ODAD2: variants seen among roughly 807,000 people sequenced by gnomAD.
The protein encoded by ODAD2 is outer dynein arm-docking complex subunit 2.
A neutral mutation model predicts 106.8 loss-of-function variants in ODAD2; 89 were observed. The ratio of observed to expected loss-of-function variants is 0.83; its 90% confidence interval spans 0.70 to 0.99. The LOEUF is 0.99. ODAD2 is among the 50% of genes least tolerant of loss of function. ODAD2 has a pLI of 0.00. For synonymous variants in ODAD2, 404 were observed against 436.2 expected (o/e 0.93, Z 0.92); for missense variants, 1,168 against 1,238.5 (o/e 0.94, Z 0.85).
chr10:27,842,435 A>C (rs753002528), intron 19 of ODAD2, among the ~76,000 whole-genome samples: 2 of 152,226 alleles, frequency 1.3e-5, no homozygotes, highest in Non-Finnish European at 2.9e-5. Flanking sequence ...AAACTTTTCA[A>C]GAGATTGTGC....
intron 15 of ODAD2, 64 bp from the exon 16 acceptor site, chr10:27,935,316 T>C: frequency 6.3e-7 from 1 of 1,580,672 alleles, no homozygotes; most frequent in Non-Finnish European, 8.7e-7. Flanking sequence ...AATTACTAAA[T>C]GTTCATTCAA....
chr10:27,876,269 GAGTAGCCTAACTGGGAGGCACCCCCC>G (rs1212590584), intron 17 of ODAD2, among the ~76,000 whole-genome samples: 3 of 152,128 alleles, frequency 2.0e-5, no homozygotes, highest in Admixed American at 6.5e-5. Flanking sequence ...CCTGACTCCC[GAGTAGCCTAACTGGGAGGCACCCCCC>G]AGTAGGGGCA....
intron 19 of ODAD2, among the ~76,000 whole-genome samples, chr10:27,845,134 GAAGGAAA>G (rs5784030): frequency 0.59 from 90,020 of 151,538 alleles, 27,070 homozygotes; most frequent in Middle Eastern, 0.7. Context: ...AAGTTGAAAT[GAAGGAAA>G]AAGGAAAAAA....
At chr10:27,920,193 C>A (rs1590020968) in intron 16 of ODAD2, among the ~76,000 whole-genome samples, 1 of 152,060 alleles carries the variant, frequency 6.6e-6, no homozygotes, top group Non-Finnish European at 1.5e-5. Flanking sequence ...TATTCTATTT[C>A]TTGACTTGGA....
At chr10:27,856,885 C>T (rs1490413689) in intron 19 of ODAD2, among the ~76,000 whole-genome samples, 7 of 151,946 alleles carry the variant, frequency 4.6e-5, no homozygotes, top group Non-Finnish European at 1.5e-5. Flanking sequence ...GAGAATCGCT[C>T]GAACCCAGGA....
At chr10:27,908,927 TA>T (rs1159787695) in intron 16 of ODAD2, among the ~76,000 whole-genome samples, 4 of 152,134 alleles carry the variant, frequency 2.6e-5, no homozygotes, top group Non-Finnish European at 4.4e-5. Context: ...AAAATACACG[TA>T]AAAATTATTT....
Position 27,812,370 on chromosome 10 carries a change from G to A in ODAD2, c.*142C>T. 2 of 703,628 alleles carry A rather than the reference G, an allele frequency of 2.8e-6. No individual in the cohort carries two copies. The highest frequency in any genetic ancestry group is 4.6e-6 in the Non-Finnish European group (2 of 436,544). The allele number at this position is 703,628 out of a possible 1,614,324, so 43.6% of individuals were successfully genotyped here. On this transcript the variant is annotated 3_prime_UTR_variant, in exon 20 of 20. Coordinates refer to ENST00000305242, the MANE Select transcript of ODAD2 (RefSeq NM_018076.5). ...GCAATTTTCAGATGAAAAACATTCT[G>A]TGCATTTTCAATTTGTGTGTTTTCA...
chr10:27,932,194 C>T (rs1845662959), intron 16 of ODAD2, among the ~76,000 whole-genome samples: 2 of 152,092 alleles, frequency 1.3e-5, no homozygotes, highest in African/African-American at 4.8e-5. Flanking sequence ...CCTCTGCCTC[C>T]CAAAGTACTG....
At chr10:27,872,707 CA>C (rs201007763) in intron 17 of ODAD2, among the ~76,000 whole-genome samples, 4,147 of 152,196 alleles carry the variant, frequency 0.027, 68 homozygotes, top group Non-Finnish European at 0.043. Flanking sequence ...GGATGAAGCC[CA>C]CTTGATCATA....
chr10:27,818,373 G>C (rs1235872444), intron 19 of ODAD2, among the ~76,000 whole-genome samples: 1 of 151,950 alleles, frequency 6.6e-6, no homozygotes, highest in African/African-American at 2.4e-5. Flanking sequence ...CTCCCAAGTA[G>C]ATGATTCATA....
intron 7 of ODAD2, among the ~76,000 whole-genome samples, chr10:27,973,982 G>A (rs1849026463): frequency 6.6e-6 from 1 of 152,144 alleles, no homozygotes; most frequent in South Asian, 2.1e-4. Context: ...ATTCTGACTG[G>A]TGTAAGATGA....
chr10:27,943,795 CAAAAAAAAAAAAAAAAAAA>C (rs56059926), intron 12 of ODAD2, among the ~76,000 whole-genome samples: 2 of 58,624 alleles, frequency 3.4e-5, no homozygotes, highest in East Asian at 5.9e-4. Context: ...GGCTCTGTCT[CAAAAAAAAAAAAAAAAAAA>C]AAAAAAAAAA....
rs1847512557 is a variant in ODAD2 at position 27,953,520 on chromosome 10, A to G, written c.1386+8048T>C. On this transcript the variant is annotated intron_variant, in intron 10 of 19. Coordinates refer to ENST00000305242, the MANE Select transcript of ODAD2 (RefSeq NM_018076.5). The stretch of plus-strand genomic sequence containing the variant: ...AGCTGCAGTATTGTTTGCAGTAACA[A>G]AAACTGATTTCAGGGACAACTTAAA... Among the ~76,000 whole-genome samples the G allele has an allele frequency of 2.0e-5, 3 of 152,320 alleles. No homozygotes were observed. The South Asian group carries it at 6.2e-4, about 32-fold the overall frequency.
intron 16 of ODAD2, among the ~76,000 whole-genome samples, chr10:27,916,750 A>G (rs1280698500): frequency 6.6e-6 from 1 of 152,146 alleles, no homozygotes; most frequent in African/African-American, 2.4e-5. Context: ...ACAACAAAAT[A>G]TGTGCTAATT....
intron 10 of ODAD2, among the ~76,000 whole-genome samples, chr10:27,949,609 T>G (rs1006554525): frequency 2.0e-5 from 3 of 152,056 alleles, no homozygotes; most frequent in African/African-American, 7.2e-5. Flanking sequence ...GGTGGGAGCG[T>G]GGTGCAAGAT....
intron 16 of ODAD2, among the ~76,000 whole-genome samples, chr10:27,908,072 A>G (rs1037752082): frequency 3.3e-5 from 5 of 152,334 alleles, no homozygotes; most frequent in African/African-American, 1.2e-4. Flanking sequence ...CCTGTTACCT[A>G]AATGTAAAAA....
chr10:27,834,713 G>A (rs112317008), intron 19 of ODAD2, among the ~76,000 whole-genome samples: 7 of 152,306 alleles, frequency 4.6e-5, no homozygotes, highest in African/African-American at 1.7e-4. Flanking sequence ...ATGGGTATCT[G>A]CTTGCAGAAA....
chr10:27,959,734 C>T (rs888522254), intron 10 of ODAD2, among the ~76,000 whole-genome samples: 3 of 152,120 alleles, frequency 2.0e-5, no homozygotes, highest in Admixed American at 1.3e-4. Flanking sequence ...TTTTTCCTAA[C>T]ATTTCATTTA....
chr10:27,900,898 T>C (rs1004232641), intron 17 of ODAD2, among the ~76,000 whole-genome samples: 1 of 152,144 alleles, frequency 6.6e-6, no homozygotes, highest in Non-Finnish European at 1.5e-5. Context: ...CTGCAGGATA[T>C]TATCCAGCAG....
Sources: allele counts gnomAD v4.1 joint callset (sites outside exome capture counted in the v4.1 genomes callset), GRCh38; gene constraint gnomAD v4.1.1; transcripts MANE v1.5; gene names NCBI Gene and HGNC (gene_info 2026-07-23, HGNC 2026-07-21).